TMEM135: variants seen among roughly 807,000 people sequenced by gnomAD.
TMEM135 encodes the protein transmembrane protein 135.
A neutral mutation model predicts 60.3 loss-of-function variants in TMEM135; 30 were observed. The ratio of observed to expected loss-of-function variants is 0.50; its 90% CI spans 0.37 to 0.68. The LOEUF is 0.68. TMEM135 is among the 30% of genes least tolerant of loss of function. The pLI is 0.00. For missense variants in TMEM135, 468 were observed against 548.8 expected (o/e 0.85, Z 1.47); for synonymous variants, 190 against 186.7 (o/e 1.02, Z -0.14).
chr11:87,275,763 C>T (rs1413711621), intron 6 of TMEM135, among the ~76,000 whole-genome samples: 1 of 152,136 alleles, frequency 6.6e-6, no homozygotes, highest in African/African-American at 2.4e-5. Flanking sequence ...TGGGTTCAAG[C>T]AATTCTCCTG....
chr11:87,103,145 C>T (rs1012090752), intron 4 of TMEM135, among the ~76,000 whole-genome samples: 15 of 152,180 alleles, frequency 9.9e-5, no homozygotes, highest in Admixed American at 3.3e-4. Flanking sequence ...GGAATGAAGA[C>T]ATCCCTTTGA....
At chr11:87,107,848 CA>C (rs1055094668) in intron 4 of TMEM135, among the ~76,000 whole-genome samples, 3 of 152,162 alleles carry the variant, frequency 2.0e-5, no homozygotes, top group Non-Finnish European at 2.9e-5. Flanking sequence ...CTATCTTCCA[CA>C]ATGGTTGAAC....
intron 4 of TMEM135, among the ~76,000 whole-genome samples, chr11:87,147,206 C>G (rs1938439103): frequency 6.6e-6 from 1 of 152,000 alleles, no homozygotes; most frequent in Non-Finnish European, 1.5e-5. Context: ...GCCTGTAGTC[C>G]CAGCTACTCG....
chr11:87,290,979 A>G (rs1028811018), intron 6 of TMEM135, among the ~76,000 whole-genome samples: 2 of 152,206 alleles, frequency 1.3e-5, no homozygotes, highest in Non-Finnish European at 2.9e-5. Flanking sequence ...ATTAGGATAA[A>G]TGGATTTTTA....
chr11:87,154,541 G>C (rs1938641141), intron 4 of TMEM135, among the ~76,000 whole-genome samples: 1 of 152,186 alleles, frequency 6.6e-6, no homozygotes, highest in African/African-American at 2.4e-5. Context: ...AAATTTTAAA[G>C]TAACTGCCTT....
chr11:87,123,118 T>C (rs1293775949), intron 4 of TMEM135, among the ~76,000 whole-genome samples: 2 of 152,200 alleles, frequency 1.3e-5, no homozygotes, highest in African/African-American at 2.4e-5. Flanking sequence ...TCAACAAATA[T>C]CATTCTTTTG....
Position 87,195,383 on chromosome 11 carries a change from T to TC in TMEM135, c.462+37977_462+37978insC, listed in dbSNP as rs1386297449. Among the ~76,000 whole-genome samples the TC allele has an allele frequency of 9.3e-3, 769 of 83,130 alleles. 37 individuals are homozygous for TC. Among genetic ancestry groups the TC allele is most frequent in the Non-Finnish European group, 0.012 (478 of 39,134 alleles). 54.5% of individuals were successfully genotyped at this position (83,130 alleles called of 152,430 possible). On this transcript the variant is annotated intron_variant, in intron 5 of 14. Transcript: ENST00000305494. ...CTTCCTTCCTTCCTTCCTTCCTTCCTTCCTTCCTTCTCTCTCTCTCTCTCT... is the reference window on the plus strand; with the variant it reads ...CTTCCTTCCTTCCTTCCTTCCTTCCTCTCCTTCCTTCTCTCTCTCTCTCTCT...
chr11:87,159,989 T>G (rs1287274038), intron 5 of TMEM135, among the ~76,000 whole-genome samples: 3 of 152,142 alleles, frequency 2.0e-5, no homozygotes. Flanking sequence ...AGTGGTTAAT[T>G]TATTTGTCCT....
intron 5 of TMEM135, among the ~76,000 whole-genome samples, chr11:87,197,396 G>C (rs561564374): frequency 6.6e-6 from 1 of 152,156 alleles, no homozygotes; most frequent in South Asian, 2.1e-4. Context: ...AAATTCCTTT[G>C]TGTTGTCCCA....
intron 5 of TMEM135, among the ~76,000 whole-genome samples, chr11:87,171,725 G>A (rs549436948): frequency 5.6e-4 from 86 of 152,238 alleles, no homozygotes; most frequent in African/African-American, 2.0e-3. Context: ...TTTCTGCCTA[G>A]GTAGTGGTGT....
intron 5 of TMEM135, among the ~76,000 whole-genome samples, chr11:87,171,037 G>T (rs1334028541): frequency 6.6e-6 from 1 of 152,000 alleles, no homozygotes; most frequent in Non-Finnish European, 1.5e-5. Flanking sequence ...AGAAACTAAT[G>T]AGCATTAAGC....
At chr11:87,101,204 G>T (rs2135183801) in intron 4 of TMEM135, among the ~76,000 whole-genome samples, 1 of 152,188 alleles carries the variant, frequency 6.6e-6, no homozygotes, top group South Asian at 2.1e-4. Context: ...CTAAAATTAT[G>T]AAAAAATTTT....
In TMEM135 at chr11:87,158,707, G is replaced by A. The variant is rs557055820; in HGVS notation, c.462+1301G>A. Among the ~76,000 whole-genome samples the A allele has an allele frequency of 1.3e-3, 203 of 152,058 alleles. 1 individual carries two copies. Among genetic ancestry groups the A allele is most frequent in the Non-Finnish European group, 2.5e-3 (168 of 68,002 alleles). On this transcript the variant is annotated intron_variant, in intron 5 of 14. Transcript: ENST00000305494. The stretch of plus-strand genomic sequence containing the variant: ...TCTCGATCTCCTGACCTCGTACTCC[G>A]CCCGTCTTGGCCTCCCAAAGTGCTG...
chr11:87,186,515 G>C (rs1939658562), intron 5 of TMEM135, among the ~76,000 whole-genome samples: 1 of 152,156 alleles, frequency 6.6e-6, no homozygotes. Context: ...GATTTTAAAA[G>C]ATTTGTCCAC....
intron 5 of TMEM135, among the ~76,000 whole-genome samples, chr11:87,163,919 T>C (rs1938962957): frequency 6.7e-6 from 1 of 148,638 alleles, no homozygotes; most frequent in Non-Finnish European, 1.5e-5. Context: ...TTTGAATTCA[T>C]TGTAGATTCT....
At chr11:87,242,313 C>A (rs1163438575) in intron 6 of TMEM135, among the ~76,000 whole-genome samples, 3 of 151,838 alleles carry the variant, frequency 2.0e-5, no homozygotes, top group Admixed American at 1.3e-4. Context: ...AATAAACATA[C>A]ACGTGCATGT....
intron 6 of TMEM135, among the ~76,000 whole-genome samples, chr11:87,284,960 G>A (rs1317936484): frequency 6.6e-6 from 1 of 152,088 alleles, no homozygotes; most frequent in Non-Finnish European, 1.5e-5. Flanking sequence ...ATGTATATAA[G>A]CCATGTAATC....
chr11:87,047,484 C>T (rs916404446), intron 1 of TMEM135, among the ~76,000 whole-genome samples: 6 of 151,144 alleles, frequency 4.0e-5, no homozygotes, highest in African/African-American at 1.5e-4. Context: ...CGAAGCAGGG[C>T]GAGGCACTGC....
chr11:87,324,123 G>A lies in TMEM135; in HGVS notation c.*2790G>A, dbSNP rs936533951. 6 of 453,938 alleles carry A rather than the reference G, an allele frequency of 1.3e-5. No homozygotes were observed. The highest frequency in any genetic ancestry group is 1.2e-4 in the African/African-American group (6 of 49,984). 28.1% of individuals were successfully genotyped at this position (453,938 alleles called of 1,614,324 possible). A position where few individuals can be genotyped will look rare whatever the true frequency, so the allele number is the denominator to read the frequency against. On this transcript the variant is annotated 3_prime_UTR_variant, in exon 15 of 15. Coordinates refer to ENST00000305494, the MANE Select transcript of TMEM135 (RefSeq NM_022918.4). ...GTTGTGCTCGAGTGTTCGTCTCCTT[G>A]TAGATTGTATCTAGGCTAACATTTC... is the stretch of plus-strand genomic sequence containing the variant.
Sources: allele counts gnomAD v4.1 joint callset (sites outside exome capture counted in the v4.1 genomes callset), GRCh38; gene constraint gnomAD v4.1.1; transcripts MANE v1.5; gene names NCBI Gene and HGNC (gene_info 2026-07-23, HGNC 2026-07-21).